The following LIN54 variants were observed in gnomAD, a reference collection of about 807,000 sequenced individuals.
The protein encoded by LIN54 is protein lin-54 homolog.
Under a neutral mutation model 78.7 loss-of-function variants are expected in LIN54, and 9 were observed. The ratio of observed to expected loss-of-function variants is 0.11; its 90% CI spans 0.07 to 0.20. The LOEUF (loss-of-function observed/expected upper bound fraction) is 0.20, where lower values mean the gene tolerates loss of function less well. LIN54 is among the 10% of genes least tolerant of loss of function. The probability of loss-of-function intolerance (pLI) is 1.00; values close to 1 mark genes in which losing one functional copy is unlikely to be tolerated. For synonymous variants in LIN54, 269 were observed against 318.4 expected (o/e 0.84, Z 1.65); for missense variants, 573 against 889.9 (o/e 0.64, Z 4.53).
chr4:82,928,327 AGAT>A (rs747497950), intron 12 of LIN54, 24 bp from the exon 13 acceptor site: 6 of 1,573,430 alleles, frequency 3.8e-6, no homozygotes, highest in Non-Finnish European at 5.2e-6. Flanking sequence ...TGAAAGAGAA[AGAT>A]GATGGTGGTG....
chr4:82,953,244 T>G (rs886656524), intron 4 of LIN54, among the ~76,000 whole-genome samples: 1 of 152,138 alleles, frequency 6.6e-6, no homozygotes, highest in African/African-American at 2.4e-5. Flanking sequence ...CCACCTCAGC[T>G]TCCCAAAGTG....
intron 1 of LIN54, among the ~76,000 whole-genome samples, chr4:82,985,535 T>C (rs1727051085): frequency 6.6e-6 from 1 of 152,352 alleles, no homozygotes; most frequent in South Asian, 2.1e-4. Flanking sequence ...GCCATTTACT[T>C]ACTTACTTAA....
chr4:82,937,324 C>A (rs774587481), intron 8 of LIN54, 26 bp from the exon 9 acceptor site: 1 of 1,485,652 alleles, frequency 6.7e-7, no homozygotes, highest in South Asian at 1.3e-5. Flanking sequence ...AAAAGATATA[C>A]ATTTAATCAA....
At chr4:82,989,945 A>G (rs1365547856) in intron 1 of LIN54, among the ~76,000 whole-genome samples, 2 of 152,194 alleles carry the variant, frequency 1.3e-5, no homozygotes, top group African/African-American at 4.8e-5. Context: ...AGTTGAGTGT[A>G]CAACAACCAA....
At chr4:83,001,524 T>C (rs1255661436) in intron 1 of LIN54, among the ~76,000 whole-genome samples, 1 of 151,674 alleles carries the variant, frequency 6.6e-6, no homozygotes, top group Non-Finnish European at 1.5e-5. Context: ...CACTCCAGCC[T>C]GAGCAGGAGT....
chr4:82,979,561 T>A (rs1726450801), intron 2 of LIN54, among the ~76,000 whole-genome samples: 1 of 152,144 alleles, frequency 6.6e-6, no homozygotes. Context: ...GAGAAAAATT[T>A]GGTAGAACAG....
intron 4 of LIN54, among the ~76,000 whole-genome samples, chr4:82,965,432 A>C (rs550694939): frequency 9.9e-4 from 151 of 152,334 alleles, no homozygotes; most frequent in Non-Finnish European, 1.9e-3. Context: ...AAACAGTCTG[A>C]AATTGTAATG....
At chr4:83,010,005 CTAAGGA>C (rs1175255910) in intron 1 of LIN54, among the ~76,000 whole-genome samples, 2 of 152,198 alleles carry the variant, frequency 1.3e-5, no homozygotes, top group African/African-American at 4.8e-5. Flanking sequence ...GTTAGTTACT[CTAAGGA>C]TAACAGAGCA....
In LIN54 at chr4:82,926,027, A is replaced by C. The variant is rs1721440806; in HGVS notation, c.*2075T>G. 1 of 152,642 alleles carries C rather than the reference A, an allele frequency of 6.6e-6. No homozygotes were observed. Among genetic ancestry groups the C allele is most frequent in the Non-Finnish European group, 1.5e-5 (1 of 68,022 alleles). 9.5% of individuals were successfully genotyped at this position (152,642 alleles called of 1,614,324 possible). On this transcript the variant is annotated 3_prime_UTR_variant, in exon 13 of 13. Transcript: ENST00000340417. ...ATTTTAGATAGATAGATTTTTGAAA[A>C]TCAGAAAAACTAGTAGCATTTGATT...
chr4:82,967,158 G>A (rs1409114510), intron 4 of LIN54, among the ~76,000 whole-genome samples: 10 of 151,560 alleles, frequency 6.6e-5, no homozygotes, highest in Non-Finnish European at 1.3e-4. Flanking sequence ...CCCAGGAGGT[G>A]GAGGTTGCAG....
chr4:82,992,967 G>A (rs938653455), intron 1 of LIN54, among the ~76,000 whole-genome samples: 1 of 150,528 alleles, frequency 6.6e-6, no homozygotes, highest in Non-Finnish European at 1.5e-5. Context: ...GGCGGAGCTT[G>A]CAGTGAGCTG....
intron 4 of LIN54, among the ~76,000 whole-genome samples, chr4:82,949,388 TTTGTTGTTGTTG>T (rs57137614): frequency 1.3e-5 from 2 of 151,026 alleles, no homozygotes; most frequent in Non-Finnish European, 2.9e-5. Flanking sequence ...TATGAGTTCT[TTTGTTGTTGTTG>T]TTGTTGTTGT....
In LIN54 at chr4:82,930,978, A is replaced by C. The variant is rs779239172; in HGVS notation, c.2013T>G (p.Thr671=). Residue 671 remains threonine, a synonymous_variant, in exon 12 of 13, where the codon ACT becomes ACG. Coordinates refer to ENST00000340417, the MANE Select transcript of LIN54 (RefSeq NM_194282.4). ...CACTATTTAAAGCTGGTGTTGGCCT[A>C]GTAAGCAAGTCTGAAATTTGAGAGG... ...KLSSQISDLL[T]RPTPALNSGG... 11 of 1,614,222 alleles carry C rather than the reference A, an allele frequency of 6.8e-6. No individual in the cohort carries two copies. The East Asian group carries it at 1.6e-4, about 23-fold the overall frequency.
rs565418317 is a variant in LIN54 at position 82,952,497 on chromosome 4, A to C, written c.952-6023T>G. Among the ~76,000 whole-genome samples, 14 of 152,356 alleles carry C rather than the reference A, an allele frequency of 9.2e-5. No individual in the cohort carries two copies. In the South Asian group the frequency reaches 2.7e-3, roughly 29 times the overall value. On this transcript the variant is annotated intron_variant, in intron 4 of 12. Coordinates refer to ENST00000340417, the MANE Select transcript of LIN54 (RefSeq NM_194282.4). ...AGGATGTAGAGAAACTGGAATCTTT[A>C]TGCACTGTTGATGAGAATATAAAAT... is the stretch of plus-strand genomic sequence containing the variant.
At chr4:82,936,229 C>T in intron 10 of LIN54, 50 bp downstream of exon 10, 4 of 1,524,568 alleles carry the variant, frequency 2.6e-6, no homozygotes, top group Non-Finnish European at 3.6e-6. Flanking sequence ...TTTTATAAAA[C>T]TGATGAAACT....
At chr4:82,947,156 TTTTG>T (rs1405693913) in intron 4 of LIN54, among the ~76,000 whole-genome samples, 2 of 148,048 alleles carry the variant, frequency 1.4e-5, no homozygotes, top group Non-Finnish European at 3.0e-5. Context: ...AAATTACCAA[TTTTG>T]TTTGTCTAGG....
At chr4:83,004,049 A>C (rs972477037) in intron 1 of LIN54, among the ~76,000 whole-genome samples, 5 of 152,222 alleles carry the variant, frequency 3.3e-5, no homozygotes, top group Non-Finnish European at 7.3e-5. Flanking sequence ...AAAGACTTGC[A>C]GCATTCAAAC....
At chr4:83,008,642 A>G (rs1337634780) in intron 1 of LIN54, among the ~76,000 whole-genome samples, 1 of 152,210 alleles carries the variant, frequency 6.6e-6, no homozygotes, top group African/African-American at 2.4e-5. Flanking sequence ...ACTGCACTCT[A>G]GCCTGGGCGA....
intron 4 of LIN54, among the ~76,000 whole-genome samples, chr4:82,947,394 TTGTGTGTGTGTGTGTGTGTGTGTGTG>T (rs57298736): frequency 8.3e-4 from 104 of 124,658 alleles, no homozygotes; most frequent in African/African-American, 3.2e-3. Flanking sequence ...CCCAGTTAAT[TTGTGTGTGTGTGTGTGTGTGTGTGTG>T]TGTGTGTGTG....
Sources: gnomAD v4.1 joint callset for allele counts (sites outside exome capture counted in the v4.1 genomes callset) on GRCh38, gnomAD v4.1.1 for gene constraint, MANE v1.5 for transcripts, NCBI Gene and HGNC (gene_info 2026-07-23, HGNC 2026-07-21) for gene names.